UVSSA: variants seen among roughly 807,000 people sequenced by gnomAD.
UVSSA encodes the protein UV-stimulated scaffold protein A.
Under a neutral mutation model 73.9 loss-of-function variants are expected in UVSSA, and 72 were observed. The ratio of observed to expected loss-of-function variants is 0.97; its 90% CI spans 0.81 to 1.19. The LOEUF is 1.19. Among genes scored for constraint, UVSSA ranks in the 50% most tolerant of loss-of-function variants. UVSSA has a pLI of 0.00. For synonymous variants in UVSSA, 454 were observed against 391.3 expected, an observed-to-expected ratio of 1.16 and a Z score of -1.89; for missense variants, 1,150 against 965.0, an observed-to-expected ratio of 1.19 and a Z score of -2.54.
intron 8 of UVSSA, among the ~76,000 whole-genome samples, chr4:1,373,793 C>T (rs1718422258): frequency 6.6e-6 from 1 of 152,236 alleles, no homozygotes; most frequent in Non-Finnish European, 1.5e-5. Flanking sequence ...TCCGTGCTTC[C>T]TCCCTCGCTG....
chr4:1,378,410 G>A (rs960883586), intron 10 of UVSSA, among the ~76,000 whole-genome samples: 2 of 152,212 alleles, frequency 1.3e-5, no homozygotes, highest in Non-Finnish European at 2.9e-5. Flanking sequence ...AAAATTAGCC[G>A]GGCGTGGTGG....
chr4:1,352,913 C>G, intron 4 of UVSSA, 117 bp from the exon 5 acceptor site: 2 of 1,361,116 alleles, frequency 1.5e-6, no homozygotes, highest in South Asian at 2.9e-5. Context: ...CCACTGCATT[C>G]CACCTGGTGC....
In UVSSA at chr4:1,383,938, C is replaced by T; in HGVS notation, c.2034C>T (p.Ala678=). The T allele has an allele frequency of 6.2e-7, 1 of 1,609,888 alleles. No homozygotes were observed. The highest frequency in any genetic ancestry group is 8.5e-7 in the Non-Finnish European group (1 of 1,178,348). The change falls in exon 13 of 14, where the codon GCC becomes GCT. Residue 678 remains alanine (A), a splice_region_variant and synonymous_variant. Transcript: ENST00000389851. ...CTCGCATTGGGAGAAAAGTCTTCGC[C>T]AAGTAAGAGTGGCTGCTGGGTCACC... ...ARARIGRKVF[A]KAAVRRVVAA...
In UVSSA at chr4:1,371,272, G is replaced by GTGTA. The variant is rs1419645488; in HGVS notation, c.1289-4089_1289-4088insATGT. 6.1e-5 allele frequency among the ~76,000 whole-genome samples: 9 copies of GTGTA among 147,442 alleles called. No individual in the cohort carries two copies. In the East Asian group the frequency reaches 1.8e-3, roughly 29 times the overall value. ...TGGGTGGACCTGTGTGTGTGTGTGT[G>GTGTA]TGTGTGTGTGTGTGTGTGTAAAATC... On this transcript the variant is annotated intron_variant, in intron 8 of 13. Coordinates refer to ENST00000389851, the MANE Select transcript of UVSSA (RefSeq NM_020894.4).
chr4:1,378,922 A>G (rs1577369668), intron 10 of UVSSA, among the ~76,000 whole-genome samples: 1 of 152,156 alleles, frequency 6.6e-6, no homozygotes, highest in African/African-American at 2.4e-5. Flanking sequence ...CTGCGTTCCC[A>G]CCCACTGCCT....
chr4:1,376,002 C>T, intron 9 of UVSSA, 32 bp from the exon 10 acceptor site: 6 of 1,571,600 alleles, frequency 3.8e-6, no homozygotes, highest in Non-Finnish European at 5.2e-6. Flanking sequence ...GCACCAGCAG[C>T]ACCGTCAGGC....
At chr4:1,366,036 C>G (rs1717279064) in intron 7 of UVSSA, 1 of 245,846 alleles carries the variant, frequency 4.1e-6, no homozygotes. Context: ...GAGGGCAGCA[C>G]CTCCCACAGG....
chr4:1,379,029 G>A (rs1323193853), intron 10 of UVSSA, among the ~76,000 whole-genome samples: 2 of 150,808 alleles, frequency 1.3e-5, no homozygotes, highest in African/African-American at 2.4e-5. Context: ...TCTCCCTAGC[G>A]TGGGCCGTGC....
upstream of UVSSA, among the ~76,000 whole-genome samples, chr4:1,343,463 A>G (rs74642439): frequency 0.018 from 2,740 of 152,020 alleles, 45 homozygotes; most frequent in Non-Finnish European, 0.026. Context: ...ACAAGGACTT[A>G]TAAATCATAA....
intron 10 of UVSSA, among the ~76,000 whole-genome samples, chr4:1,376,634 C>G (rs932927316): frequency 6.6e-6 from 1 of 152,200 alleles, no homozygotes; most frequent in Non-Finnish European, 1.5e-5. Context: ...ACTTTCCCCT[C>G]TGCACCCCTC....
Position 1,375,509 on chromosome 4 carries a change from G to GT in UVSSA, c.1433+2dup, listed in dbSNP as rs1474966629. 6.2e-7 allele frequency: 1 copy of GT among 1,608,330 alleles called. No individual in the cohort carries two copies. Among genetic ancestry groups the GT allele is most frequent in the African/African-American group, 1.3e-5 (1 of 74,920 alleles). On this transcript the variant is annotated splice_donor_variant, in intron 9 of 13. Transcript: ENST00000389851. LOFTEE classifies it high-confidence loss of function. ...ACTTGCCTCCACCCTCATCTGCCAG[G>GT]TGACTCCCAGTGTCCTGTGTGCTGA... is the stretch of plus-strand genomic sequence containing the variant.
At chr4:1,366,705 G>C (rs757107797) in intron 8 of UVSSA, among the ~76,000 whole-genome samples, 22 of 152,310 alleles carry the variant, frequency 1.4e-4, no homozygotes, top group Admixed American at 6.5e-4. Context: ...CTCTCTGGTG[G>C]TCCTGCTGGT....
chr4:1,375,923 C>A, intron 9 of UVSSA, 111 bp from the exon 10 acceptor site: 2 of 1,487,324 alleles, frequency 1.3e-6, no homozygotes, highest in South Asian at 1.3e-5. Context: ...AGCCATTGCT[C>A]ACCTGATCCG....
At chr4:1,363,857 G>A (rs1358516440) in intron 7 of UVSSA, among the ~76,000 whole-genome samples, 3 of 152,262 alleles carry the variant, frequency 2.0e-5, no homozygotes, top group African/African-American at 7.2e-5. Flanking sequence ...ACAGTTTCCA[G>A]TGATTAATGT....
exon 14 of UVSSA, chr4:1,394,727 G>A: frequency 4.4e-6 from 7 of 1,573,322 alleles, no homozygotes; most frequent in Non-Finnish European, 6.0e-6. Flanking sequence ...GTGTCCATGT[G>A]GAGTGCCCAC....
At chr4:1,349,479 C>G in intron 2 of UVSSA, 45 bp from the exon 3 acceptor site, 1 of 1,581,886 alleles carries the variant, frequency 6.3e-7, no homozygotes, top group South Asian at 1.1e-5. Flanking sequence ...CCCCGCCCAT[C>G]CTCTGCGTGT....
At position 1,386,426 on chromosome 4, in the gene UVSSA, T is replaced by C. The variant is rs1261731945; in HGVS notation, c.*465T>C. On this transcript the variant is annotated 3_prime_UTR_variant, in exon 14 of 14. Coordinates refer to ENST00000389851, the MANE Select transcript of UVSSA (RefSeq NM_020894.4). ...TAGTGAACCGTTCAGTCATCTGCTTTCTGTTTCTGGATGTGCCTTTTCATA... is the reference window on the plus strand; with the variant it reads ...TAGTGAACCGTTCAGTCATCTGCTTCCTGTTTCTGGATGTGCCTTTTCATA... The C allele has an allele frequency of 6.3e-6, 1 of 159,516 alleles. No individual in the cohort carries two copies. 9.9% of individuals were successfully genotyped at this position (159,516 alleles called of 1,614,324 possible). A position where few individuals can be genotyped will look rare whatever the true frequency, so the allele number is the denominator to read the frequency against.
chr4:1,357,714 G>A (rs1467330828), intron 7 of UVSSA, among the ~76,000 whole-genome samples: 1 of 152,114 alleles, frequency 6.6e-6, no homozygotes, highest in Non-Finnish European at 1.5e-5. Flanking sequence ...GTTCAGCTCA[G>A]CCTGGCTCCT....
intron 12 of UVSSA, among the ~76,000 whole-genome samples, chr4:1,381,252 G>A (rs1405202266): frequency 1.5e-4 from 23 of 152,250 alleles, no homozygotes; most frequent in Admixed American, 1.2e-3. Flanking sequence ...CCACGGCCCC[G>A]AAGCCACAGG....
Sources: allele counts gnomAD v4.1 joint callset (sites outside exome capture counted in the v4.1 genomes callset), GRCh38; gene constraint gnomAD v4.1.1; transcripts MANE v1.5; gene names NCBI Gene and HGNC (gene_info 2026-07-23, HGNC 2026-07-21).